Variants in CXorf58 observed in about 807,000 individuals in gnomAD.
CXorf58 encodes the protein chromosome X open reading frame 58, also known as uncharacterized protein CXorf58.
Under a neutral mutation model 26.0 loss-of-function variants are expected in CXorf58, and 24 were observed. The ratio of observed to expected loss-of-function variants is 0.92; its 90% confidence interval spans 0.67 to 1.30. The LOEUF (loss-of-function observed/expected upper bound fraction) is 1.30. Ranked by LOEUF, CXorf58 falls within the 50% of genes most tolerant of loss-of-function variation. The pLI, the probability that CXorf58 is intolerant of heterozygous loss-of-function variation, is 0.00. For missense variants in CXorf58, 236 were observed against 263.9 expected (o/e 0.89, Z 0.73); for synonymous variants, 87 against 86.1 (o/e 1.01, Z -0.06).
intron 6 of CXorf58, among the ~76,000 whole-genome samples, chrX:23,929,422 AGAAAAAG>A (rs1928101662): frequency 6.8e-5 from 6 of 87,828 alleles, no homozygotes; most frequent in East Asian, 9.0e-4. Context: ...AAAAAAAAAA[AGAAAAAG>A]AAAAAAAAAG....
At chrX:23,936,635 C>T (rs1673691099) in intron 7 of CXorf58, among the ~76,000 whole-genome samples, 2 of 111,932 alleles carry the variant, frequency 1.8e-5, no homozygotes, top group South Asian at 3.7e-4. Flanking sequence ...TTTTCACACT[C>T]TTATAATTGA....
intron 5 of CXorf58, among the ~76,000 whole-genome samples, chrX:23,926,815 C>G (rs185867124): frequency 9.0e-6 from 1 of 111,711 alleles, no homozygotes; most frequent in Non-Finnish European, 1.9e-5. Flanking sequence ...GCCAGGAGAT[C>G]GAGACCATCC....
At chrX:23,916,455 G>GT (rs1202777969) in intron 5 of CXorf58, 127 bp downstream of exon 5, 500 of 181,635 alleles carry the variant, frequency 2.8e-3, no homozygotes, top group East Asian at 7.8e-3. Context: ...TAGGTAGTGT[G>GT]TTTTTTTTTA....
chrX:23,918,962 T>C (rs1424367651), intron 5 of CXorf58, among the ~76,000 whole-genome samples: 1 of 112,396 alleles, frequency 8.9e-6, no homozygotes. Flanking sequence ...CTCCTTTGTA[T>C]GTTGTTTGTT....
intron 5 of CXorf58, among the ~76,000 whole-genome samples, chrX:23,925,786 C>CTTTTTTTTTTT (rs11296283): frequency 5.3e-4 from 38 of 71,743 alleles, no homozygotes; most frequent in African/African-American, 1.0e-3. Flanking sequence ...CTTTTCTTTT[C>CTTTTTTTTTTT]TTTTTTTTTT....
intron 1 of CXorf58, among the ~76,000 whole-genome samples, chrX:23,908,983 G>A (rs1927493688): frequency 8.9e-6 from 1 of 111,942 alleles, no homozygotes; most frequent in South Asian, 3.7e-4. Flanking sequence ...ATCGGGTGTT[G>A]TTAGGAAGCA....
chrX:23,936,399 T>G (rs751262744), intron 7 of CXorf58, among the ~76,000 whole-genome samples: 66 of 112,012 alleles, frequency 5.9e-4, no homozygotes, highest in Non-Finnish European at 3.8e-4. Flanking sequence ...GTCATTCCCC[T>G]TTTTACCAAT....
At chrX:23,935,919 C>T (rs1351629404) in intron 7 of CXorf58, among the ~76,000 whole-genome samples, 3 of 110,679 alleles carry the variant, frequency 2.7e-5, no homozygotes, top group Admixed American at 9.6e-5. Flanking sequence ...ATTACAGGTG[C>T]CCACCACCAT....
intron 3 of CXorf58, among the ~76,000 whole-genome samples, chrX:23,913,332 C>G (rs1013256934): frequency 1.8e-5 from 2 of 109,016 alleles, no homozygotes; most frequent in African/African-American, 6.6e-5. Flanking sequence ...AGGTGCGTGC[C>G]GCCATGCCCA....
intron 6 of CXorf58, among the ~76,000 whole-genome samples, chrX:23,930,014 C>T (rs1169957595): frequency 5.5e-5 from 6 of 108,192 alleles, no homozygotes; most frequent in Non-Finnish European, 1.9e-5. Context: ...TGGCTAACAC[C>T]GTGAAACCCC....
chrX:23,917,807 C>T (rs748067151), intron 5 of CXorf58, among the ~76,000 whole-genome samples: 5 of 111,977 alleles, frequency 4.5e-5, no homozygotes, highest in South Asian at 3.7e-4. Context: ...AAAATGCTGC[C>T]GCTGCTGCTG....
intron 6 of CXorf58, among the ~76,000 whole-genome samples, chrX:23,930,196 C>CAAAAAAAAAAAAAAA (rs752970734): frequency 2.7e-5 from 1 of 36,751 alleles, no homozygotes; most frequent in Admixed American, 5.2e-4. Context: ...GACTCTGTCT[C>CAAAAAAAAAAAAAAA]AAAAAAAAAA....
chrX:23,924,942 C>T (rs1049167891), intron 5 of CXorf58, among the ~76,000 whole-genome samples: 2 of 110,299 alleles, frequency 1.8e-5, no homozygotes, highest in African/African-American at 6.6e-5. Flanking sequence ...TGCTATAAGA[C>T]AGTAATATAG....
chrX:23,939,335 T>A lies in CXorf58; in HGVS notation c.*32T>A. Reference sequence around the variant, plus strand: ...GAAAACTAAGGAATCTATGTCAGAGTGTCAGCTGGAAAAAGAAAAAAGGAC... The same window carrying A: ...GAAAACTAAGGAATCTATGTCAGAGAGTCAGCTGGAAAAAGAAAAAAGGAC... On this transcript the variant is annotated 3_prime_UTR_variant, in exon 9 of 9. Transcript: ENST00000379211. 9.6e-7 allele frequency: 1 copy of A among 1,042,252 alleles called. No homozygotes were observed. Among genetic ancestry groups the A allele is most frequent in the Non-Finnish European group, 1.3e-6 (1 of 762,104 alleles). The allele number at this position is 1,042,252 out of a possible 1,213,427, so 85.9% of individuals were successfully genotyped here. A position where few individuals can be genotyped will look rare whatever the true frequency, so the allele number is the denominator to read the frequency against.
chrX:23,910,214 C>T, intron 1 of CXorf58, 69 bp from the exon 2 acceptor site: 1 of 495,229 alleles, frequency 2.0e-6, no homozygotes, highest in Non-Finnish European at 3.3e-6. Context: ...TCATATGGCA[C>T]TTGAGTCTTG....
chrX:23,920,531 G>A (rs1927836307), intron 5 of CXorf58, among the ~76,000 whole-genome samples: 1 of 111,260 alleles, frequency 9.0e-6, no homozygotes, highest in Non-Finnish European at 1.9e-5. Context: ...TTTTAGAAAA[G>A]GAAAAGGGAC....
At chrX:23,939,037 T>C (rs1480660130) in intron 8 of CXorf58, among the ~76,000 whole-genome samples, 1 of 111,972 alleles carries the variant, frequency 8.9e-6, no homozygotes, top group Admixed American at 9.6e-5. Context: ...TCTAAACTTA[T>C]TAAGAACTAT....
chrX:23,937,450 G>A (rs1226392775), intron 7 of CXorf58, among the ~76,000 whole-genome samples: 1 of 98,996 alleles, frequency 1.0e-5, no homozygotes, highest in East Asian at 3.3e-4. Flanking sequence ...TTGAGACCGA[G>A]TTTCACTCTT....
At position 23,939,445 on chromosome X, in the gene CXorf58, T is replaced by C; in HGVS notation, c.*142T>C. On this transcript the variant is annotated 3_prime_UTR_variant, in exon 9 of 9. Transcript: ENST00000379211. ...TAATTGACAGAAAACCAAAGTTGTT[T>C]AACAATCTGCTTGTCTGTCTATAAA... is the stretch of plus-strand genomic sequence containing the variant. 1 of 430,105 alleles carries C rather than the reference T, an allele frequency of 2.3e-6. No homozygotes were observed. Among genetic ancestry groups the C allele is most frequent in the Non-Finnish European group, 4.1e-6 (1 of 246,144 alleles). The allele number at this position is 430,105 out of a possible 1,213,427, so 35.4% of individuals were successfully genotyped here.
Sources: gnomAD v4.1 joint callset for allele counts (sites outside exome capture counted in the v4.1 genomes callset) on GRCh38, gnomAD v4.1.1 for gene constraint, MANE v1.5 for transcripts, NCBI Gene and HGNC (gene_info 2026-07-23, HGNC 2026-07-21) for gene names.